Variants in MFN1 observed in about 807,000 individuals in gnomAD.
MFN1 encodes mitofusin-1.
MFN1 carries 65 observed loss-of-function variants against 92.4 expected under a neutral mutation model. The ratio of observed to expected loss-of-function variants is 0.70; its 90% CI spans 0.58 to 0.86. MFN1 has a LOEUF of 0.86. Ranked by LOEUF, MFN1 falls within the 40% of genes least tolerant of loss-of-function variation. MFN1 has a pLI of 0.00. For synonymous variants in MFN1, 297 were observed against 300.9 expected (o/e 0.99, Z 0.13); for missense variants, 781 against 868.0 (o/e 0.90, Z 1.26).
chr3:179,380,090 T>C (rs1713409748), intron 14 of MFN1, among the ~76,000 whole-genome samples: 1 of 152,188 alleles, frequency 6.6e-6, no homozygotes, highest in Non-Finnish European at 1.5e-5. Flanking sequence ...TTCAATAGGC[T>C]GGTTAGAGAA....
intron 10 of MFN1, among the ~76,000 whole-genome samples, chr3:179,376,330 T>G (rs1338939170): frequency 6.6e-6 from 1 of 152,238 alleles, no homozygotes; most frequent in Admixed American, 6.5e-5. Flanking sequence ...TGCTTTGATG[T>G]AGTACCCAAA....
At chr3:179,364,924 A>G (rs1417559803) in intron 6 of MFN1, among the ~76,000 whole-genome samples, 194 bp from the exon 7 acceptor site, 2 of 152,250 alleles carry the variant, frequency 1.3e-5, no homozygotes, top group Non-Finnish European at 2.9e-5. Context: ...CTAATATTCA[A>G]AATTATAACA....
rs1269749672 is a variant in MFN1 at position 179,348,949 on chromosome 3, C to G, written c.98C>G (p.Ser33Ter). 1 of 1,585,954 alleles carries G rather than the reference C, an allele frequency of 6.3e-7. No homozygotes were observed. The highest frequency in any genetic ancestry group is 1.7e-5 in the Admixed American group (1 of 58,554). The change falls in exon 2 of 18, where the codon TCA becomes TGA. Residue 33 changes from serine (S) to a stop codon, truncating the protein, a stop_gained. Coordinates refer to ENST00000471841, the MANE Select transcript of MFN1 (RefSeq NM_033540.3). LOFTEE classifies it high-confidence loss of function. ...DQLLEFVTEGSHFVEATYKNP... is the reference protein window; with the variant it reads ...DQLLEFVTEG ...TTACTGGAGTTTGTTACTGAAGGATCACATTTTGTTGAAGGTTAGTTCTTC... is the reference window on the plus strand; with the variant it reads ...TTACTGGAGTTTGTTACTGAAGGATGACATTTTGTTGAAGGTTAGTTCTTC...
chr3:179,381,846 A>G (rs926805199), intron 14 of MFN1, among the ~76,000 whole-genome samples: 3 of 152,228 alleles, frequency 2.0e-5, no homozygotes, highest in Non-Finnish European at 2.9e-5. Context: ...TATATCTATG[A>G]AATATTCAAA....
intron 9 of MFN1, among the ~76,000 whole-genome samples, chr3:179,373,946 T>C (rs1019318022): frequency 6.6e-6 from 1 of 151,980 alleles, no homozygotes; most frequent in Non-Finnish European, 1.5e-5. Flanking sequence ...GTGCTGGGAT[T>C]ACAGGAGTGA....
At chr3:179,367,816 G>C (rs370874969) in intron 8 of MFN1, among the ~76,000 whole-genome samples, 2 of 151,616 alleles carry the variant, frequency 1.3e-5, no homozygotes, top group Non-Finnish European at 2.9e-5. Flanking sequence ...CCAGCTTCTT[G>C]GGGGGCTGAG....
At chr3:179,373,528 A>G (rs1238244346) in intron 9 of MFN1, among the ~76,000 whole-genome samples, 2 of 152,178 alleles carry the variant, frequency 1.3e-5, no homozygotes, top group Non-Finnish European at 2.9e-5. Flanking sequence ...TATATCCCTA[A>G]TTTTTAAAAA....
At chr3:179,350,509 A>T (rs888783699) in intron 2 of MFN1, among the ~76,000 whole-genome samples, 1 of 152,186 alleles carries the variant, frequency 6.6e-6, no homozygotes, top group East Asian at 1.9e-4. Context: ...TGTGTATTGT[A>T]CGTGTTATAG....
chr3:179,372,984 G>A (rs2111534), intron 9 of MFN1, among the ~76,000 whole-genome samples: 78,949 of 151,826 alleles, frequency 0.52, 22,016 homozygotes, highest in African/African-American at 0.73. Context: ...GAAAACATCC[G>A]GGTATGTTTT....
chr3:179,355,285 C>G lies in MFN1; in HGVS notation c.248+3250C>G, dbSNP rs573523865. Among the ~76,000 whole-genome samples, 5 of 152,194 alleles carry G rather than the reference C, an allele frequency of 3.3e-5. No homozygotes were observed. The East Asian group carries it at 7.7e-4, about 24-fold the overall frequency. Reference sequence around the variant, plus strand: ...CTTTTATCAGCAAGGTCTTTGTGACCTGTATATTGTGCCAACCTCCTATCT... The same window carrying G: ...CTTTTATCAGCAAGGTCTTTGTGACGTGTATATTGTGCCAACCTCCTATCT... On this transcript the variant is annotated intron_variant, in intron 3 of 17. Transcript: ENST00000471841.
rs1232771853 is a variant in MFN1, at chr3:179,386,560, A to C, written c.1943A>C (p.Asn648Thr). Reference protein sequence around the residue: ...KERAFKQQFVNYATEKLRMIV... With the variant: ...KERAFKQQFVTYATEKLRMIV... Reference sequence around the variant, plus strand: ...CGAGCCTTTAAACAGCAGTTTGTAAACTATGCAACTGAAAAACTGAGGATG... The same window carrying C: ...CGAGCCTTTAAACAGCAGTTTGTAACCTATGCAACTGAAAAACTGAGGATG... The change falls in exon 16 of 18, where the codon AAC (asparagine) becomes ACC (threonine). Residue 648 changes from asparagine to threonine, a missense_variant. Physicochemically the swap from Asn to Thr is moderately conservative, Grantham distance 65. Transcript: ENST00000471841. 1.9e-6 allele frequency: 3 copies of C among 1,614,032 alleles called. No homozygotes were observed. The highest frequency in any genetic ancestry group is 2.5e-6 in the Non-Finnish European group (3 of 1,180,014).
At chr3:179,354,507 T>C (rs1052519351) in intron 3 of MFN1, among the ~76,000 whole-genome samples, 10 of 152,080 alleles carry the variant, frequency 6.6e-5, no homozygotes, top group Non-Finnish European at 1.5e-4. Context: ...TAGGAGGCAG[T>C]TGTGATAATG....
rs61735185 is a variant in MFN1, at chr3:179,367,555, T to C, written c.870T>C (p.Ser290=). 0.014 allele frequency: 22,998 copies of C among 1,613,554 alleles called. 751 individuals carry two copies. Among genetic ancestry groups the C allele is most frequent in the South Asian group, 0.11 (9,998 of 91,024 alleles). The change falls in exon 8 of 18, where the codon AGT becomes AGC. Residue 290 remains serine (S), a synonymous_variant. Transcript: ENST00000471841. ...TTGTTTCAGCAAAGGAAGTTCTTAG[T>C]GCTAGAAAGCAAAAAGCACAGGGGA... is the stretch of plus-strand genomic sequence containing the variant. ...IFFVSAKEVL[S]ARKQKAQGMP...
chr3:179,347,729 G>C lies in MFN1; in HGVS notation c.-89G>C, dbSNP rs1413823009. On this transcript the variant is annotated 5_prime_UTR_variant, in exon 1 of 18. Transcript: ENST00000471841. ...TTGCCACTCCCCCTGCCTCCTCTCCGCCTTTAACTTCTCGGGAAGATGAGG... is the reference window on the plus strand; with the variant it reads ...TTGCCACTCCCCCTGCCTCCTCTCCCCCTTTAACTTCTCGGGAAGATGAGG... 2 of 152,312 alleles carry C rather than the reference G, an allele frequency of 1.3e-5. No individual in the cohort carries two copies. The highest frequency in any genetic ancestry group is 4.8e-5 in the African/African-American group (2 of 41,460). 9.4% of individuals were successfully genotyped at this position (152,312 alleles called of 1,614,324 possible).
chr3:179,383,848 A>C (rs1223386628), intron 14 of MFN1, among the ~76,000 whole-genome samples: 1 of 152,244 alleles, frequency 6.6e-6, no homozygotes, highest in African/African-American at 2.4e-5. Flanking sequence ...GAATACAAGC[A>C]TTTTAAAAGA....
In MFN1 at chr3:179,392,410, A is replaced by G. The variant is rs748327280; in HGVS notation, c.*351A>G. 4.7e-5 allele frequency: 8 copies of G among 168,508 alleles called. No homozygotes were observed. Among genetic ancestry groups the G allele is most frequent in the Non-Finnish European group, 8.8e-5 (7 of 79,342 alleles). The allele number at this position is 168,508 out of a possible 1,614,324, so 10.4% of individuals were successfully genotyped here. A position where few individuals can be genotyped will look rare whatever the true frequency, so the allele number is the denominator to read the frequency against. On this transcript the variant is annotated 3_prime_UTR_variant, in exon 18 of 18. Transcript: ENST00000471841. Reference sequence around the variant, plus strand: ...CCAGGAGTTAGAGATTGAGCCTTTCATCTTCTTTCTCAAAACTAGTTTTTG... The same window carrying G: ...CCAGGAGTTAGAGATTGAGCCTTTCGTCTTCTTTCTCAAAACTAGTTTTTG...
chr3:179,357,688 A>C (rs936001178), intron 3 of MFN1, among the ~76,000 whole-genome samples: 2 of 152,178 alleles, frequency 1.3e-5, no homozygotes, highest in Non-Finnish European at 2.9e-5. Context: ...AGTTCTTTGC[A>C]TTTCAGAGCC....
chr3:179,362,367 C>CACT lies in MFN1; in HGVS notation c.422_423insCTA (p.Gln141delinsHisTer). 1 of 1,607,880 alleles carries CACT rather than the reference C, an allele frequency of 6.2e-7. No individual in the cohort carries two copies. Among genetic ancestry groups the CACT allele is most frequent in the Non-Finnish European group, 8.5e-7 (1 of 1,177,962 alleles). On this transcript the variant is annotated stop_gained and protein_altering_variant, in exon 5 of 18. Transcript: ENST00000471841. LOFTEE classifies it high-confidence loss of function. ...TTTCCTCCTGCTTTAGACAGTTAAT[C>CACT]AACTGGCCCATGCCCTTCACATGGA...
intron 14 of MFN1, among the ~76,000 whole-genome samples, chr3:179,381,088 T>C (rs1346688016): frequency 6.6e-6 from 1 of 152,234 alleles, no homozygotes; most frequent in Non-Finnish European, 1.5e-5. Context: ...ATCAAGGTGA[T>C]TATGATAATG....
Sources: gnomAD v4.1 joint callset for allele counts (sites outside exome capture counted in the v4.1 genomes callset) on GRCh38, gnomAD v4.1.1 for gene constraint, MANE v1.5 for transcripts, NCBI Gene and HGNC (gene_info 2026-07-23, HGNC 2026-07-21) for gene names.